Variants in CD163L1 observed in about 807,000 individuals in gnomAD.
CD163L1 encodes scavenger receptor cysteine-rich type 1 protein M160.
Under a neutral mutation model 165.4 loss-of-function variants are expected in CD163L1, and 124 were observed. The ratio of observed to expected loss-of-function variants is 0.75; its 90% CI spans 0.65 to 0.87. The LOEUF (loss-of-function observed/expected upper bound fraction) is 0.87, where lower values mean the gene tolerates loss of function less well. CD163L1 is among the 40% of genes least tolerant of loss of function. CD163L1 has a pLI of 0.00. For synonymous variants in CD163L1, 585 were observed against 662.2 expected (o/e 0.88, Z 1.79); for missense variants, 1,525 against 1,799.9 (o/e 0.85, Z 2.76).
intron 4 of CD163L1, among the ~76,000 whole-genome samples, chr12:7,416,558 T>C (rs1042168022): frequency 1.3e-5 from 2 of 152,046 alleles, no homozygotes; most frequent in African/African-American, 4.8e-5. Flanking sequence ...TTAGGTCTTA[T>C]GTTTAAGTCT....
At chr12:7,336,551 T>C in the CD163L1 span, among the ~76,000 whole-genome samples, 1 of 152,074 alleles carries the variant, frequency 6.6e-6, no homozygotes, top group Non-Finnish European at 1.5e-5. Context: ...GAGATAGACC[T>C]AATGCTAAAT....
At chr12:7,426,996 A>G (rs1201177652) in intron 4 of CD163L1, among the ~76,000 whole-genome samples, 1 of 152,156 alleles carries the variant, frequency 6.6e-6, no homozygotes, top group Non-Finnish European at 1.5e-5. Flanking sequence ...TTAATTCATC[A>G]AGAGGATATA....
Position 7,371,456 on chromosome 12 carries a change from C to T in CD163L1, c.3731-1791G>A, listed in dbSNP as rs901247710. The stretch of plus-strand genomic sequence containing the variant: ...CCTAGTTTATATTTCAACAAATCTC[C>T]AATGCTAATATCAACAAATATAAAA... On this transcript the variant is annotated intron_variant, in intron 14 of 19. Coordinates refer to ENST00000313599, the MANE Select transcript of CD163L1 (RefSeq NM_174941.6). 3.9e-5 allele frequency among the ~76,000 whole-genome samples: 6 copies of T among 152,076 alleles called. No homozygotes were observed. In the South Asian group the frequency reaches 1.2e-3, roughly 32 times the overall value.
At position 7,403,698 on chromosome 12, in the gene CD163L1, G is replaced by A. The variant is rs1591931618; in HGVS notation, c.1245C>T (p.Ser415=). ...VVCKQLGCPF[S]VFGSRRAKPS... ...GTTTAGCACGACGACTGCCAAAGAC[G>A]CTGAACGGACATCCTAGCTGCTTAC... Residue 415 remains serine, a synonymous_variant, in exon 6 of 20, where the codon AGC becomes AGT. Transcript: ENST00000313599. 1.4e-5 allele frequency: 22 copies of A among 1,614,008 alleles called. No individual in the cohort carries two copies. The highest frequency in any genetic ancestry group is 1.8e-5 in the Non-Finnish European group (21 of 1,179,974).
chr12:7,330,822 T>C, the CD163L1 span, among the ~76,000 whole-genome samples: 8 of 152,156 alleles, frequency 5.3e-5, no homozygotes, highest in African/African-American at 1.9e-4. Context: ...AGTTTCCTTT[T>C]AGAACTAAGA....
the CD163L1 span, chr12:7,324,469 T>C: frequency 5.0e-6 from 8 of 1,613,942 alleles, no homozygotes; most frequent in Non-Finnish European, 5.9e-6. Context: ...TTGGAGGATG[T>C]GGTGGTCAAA....
At position 7,368,824 on chromosome 12, in the gene CD163L1, T is replaced by C; in HGVS notation, c.4072+109A>G. The C allele has an allele frequency of 8.1e-7, 1 of 1,237,802 alleles. No homozygotes were observed. The highest frequency in any genetic ancestry group is 1.2e-5 in the South Asian group (1 of 82,098). 76.7% of individuals were successfully genotyped at this position (1,237,802 alleles called of 1,614,324 possible). A position where few individuals can be genotyped will look rare whatever the true frequency, so the allele number is the denominator to read the frequency against. ...ACTGGCTGCGACCCACAGACTCATATTTCTGCAGTCCCCAGTCTTCTTTGA... is the reference window on the plus strand; with the variant it reads ...ACTGGCTGCGACCCACAGACTCATACTTCTGCAGTCCCCAGTCTTCTTTGA... On this transcript the variant is annotated intron_variant, in intron 16 of 19. Coordinates refer to ENST00000313599, the MANE Select transcript of CD163L1 (RefSeq NM_174941.6). The surrounding 1 kb of genome is among the most constrained non-coding windows in gnomAD (Gnocchi z 4.3).
At chr12:7,420,519 AC>A (rs1948328509) in intron 4 of CD163L1, among the ~76,000 whole-genome samples, 1 of 151,940 alleles carries the variant, frequency 6.6e-6, no homozygotes, top group Admixed American at 6.6e-5. Context: ...AAGAAAAAAA[AC>A]AAACAATACT....
intron 4 of CD163L1, among the ~76,000 whole-genome samples, chr12:7,410,687 G>A (rs1331764783): frequency 6.9e-6 from 1 of 145,474 alleles, no homozygotes; most frequent in African/African-American, 2.6e-5. Context: ...AAAATTAGCT[G>A]GGCATGATGG....
chr12:7,439,043 A>T lies in CD163L1; in HGVS notation c.124+2111T>A, dbSNP rs992298893. The T allele has an allele frequency of 7.5e-6, 12 of 1,602,390 alleles. No individual in the cohort carries two copies. The African/African-American group carries it at 1.6e-4, about 22-fold the overall frequency. ...GACATCGGTATCCTCCTCAGCACTC[A>T]TGGCACTGTCTAGGGGCTTCTCAAA... On this transcript the variant is annotated intron_variant, in intron 2 of 19. Coordinates refer to ENST00000313599, the MANE Select transcript of CD163L1 (RefSeq NM_174941.6).
intron 8 of CD163L1, among the ~76,000 whole-genome samples, chr12:7,393,543 A>T (rs1255592674): frequency 3.9e-5 from 6 of 152,218 alleles, no homozygotes; most frequent in Non-Finnish European, 7.3e-5. Context: ...TACCACTCCT[A>T]TTCAACATAG....
chr12:7,439,643 T>C, intron 2 of CD163L1: 1 of 1,612,238 alleles, frequency 6.2e-7, no homozygotes. Flanking sequence ...CTGACTGCTT[T>C]GGCTTTGTTC....
At chr12:7,373,687 G>A (rs2136424832) in intron 13 of CD163L1, 47 bp from the exon 14 acceptor site, 3 of 1,476,982 alleles carry the variant, frequency 2.0e-6, no homozygotes, top group South Asian at 1.4e-5. Flanking sequence ...CTTTGGAGTT[G>A]GAAAATCCCT....
rs1433639160 is a variant in CD163L1, at chr12:7,368,556, C to T, written c.4073-359G>A. 7.0e-6 allele frequency among the ~76,000 whole-genome samples: 1 copy of T among 142,890 alleles called. No homozygotes were observed. Among genetic ancestry groups the T allele is most frequent in the East Asian group, 2.0e-4 (1 of 4,924 alleles). The allele number at this position is 142,890 out of a possible 152,430, so 93.7% of individuals were successfully genotyped here. On this transcript the variant is annotated intron_variant, in intron 16 of 19. Coordinates refer to ENST00000313599, the MANE Select transcript of CD163L1 (RefSeq NM_174941.6). This position sits in a 1 kb window ranked among gnomAD's most constrained non-coding sequence, Gnocchi z 4.3. ...TTTTTTTTTTTTTTTGAGATGGAGTCTCATTCTGTCACCCAGGCTGAGTGT... is the reference window on the plus strand; with the variant it reads ...TTTTTTTTTTTTTTTGAGATGGAGTTTCATTCTGTCACCCAGGCTGAGTGT...
At chr12:7,439,608 T>C (rs1043056061) in intron 2 of CD163L1, 5 of 1,599,040 alleles carry the variant, frequency 3.1e-6, no homozygotes, top group Non-Finnish European at 2.6e-6. Context: ...TGTCGTTATT[T>C]AAGGATAGTC....
chr12:7,440,051 C>G (rs1591977124), intron 2 of CD163L1: 1 of 1,214,598 alleles, frequency 8.2e-7, no homozygotes, highest in Non-Finnish European at 1.2e-6. Context: ...CAGCTCCTCG[C>G]GTTCCGCGCT....
In CD163L1 at chr12:7,432,400, T is replaced by C. The variant is rs748863035; in HGVS notation, c.766+16A>G. 7.0e-6 allele frequency: 11 copies of C among 1,568,800 alleles called. No homozygotes were observed. In the African/African-American group the frequency reaches 1.2e-4, roughly 17 times the overall value. ...CAAATTGTTCCTTTCTTCTACATGA[T>C]GTCTTGGGTTCTTACCATAACAAGT... On this transcript the variant is annotated intron_variant, in intron 4 of 19. Transcript: ENST00000313599. The surrounding 1 kb of genome is among the most constrained non-coding windows in gnomAD (Gnocchi z 4.2).
chr12:7,346,825 G>A (rs1372677844), exon 5 of CD163L1: 2 of 152,118 alleles, frequency 1.3e-5, no homozygotes, highest in Admixed American at 6.5e-5. Flanking sequence ...AGATCCTTGC[G>A]AAACCGTATC....
intron 9 of CD163L1, 60 bp from the exon 10 acceptor site, chr12:7,376,074 C>T (rs1947267589): frequency 1.4e-6 from 2 of 1,466,990 alleles, no homozygotes; most frequent in African/African-American, 1.4e-5. Flanking sequence ...TCCCTGTCTC[C>T]AGTCTCCATA....
Sources: allele counts gnomAD v4.1 joint callset (sites outside exome capture counted in the v4.1 genomes callset), GRCh38; gene constraint gnomAD v4.1.1; non-coding constraint Gnocchi (gnomAD v3.1); transcripts MANE v1.5; gene names NCBI Gene and HGNC (gene_info 2026-07-23, HGNC 2026-07-21).